The following AGMO variants were observed in gnomAD, a reference collection of about 807,000 sequenced individuals.
AGMO encodes the protein alkylglycerol monooxygenase, also known as glyceryl-ether monooxygenase.
AGMO carries 75 observed loss-of-function variants against 60.2 expected under a neutral mutation model. The observed-to-expected ratio is 1.25, with a 90% CI of 1.03 to 1.51. The LOEUF (loss-of-function observed/expected upper bound fraction) is 1.51, where lower values mean the gene tolerates loss of function less well. Ranked by LOEUF, AGMO falls within the 40% of genes most tolerant of loss-of-function variation. The pLI, the probability that AGMO is intolerant of heterozygous loss-of-function variation, is 0.00. For missense variants in AGMO, 763 were observed against 525.5 expected, an observed-to-expected ratio of 1.45 and a Z score of -4.42; for synonymous variants, 261 against 177.1, an observed-to-expected ratio of 1.47 and a Z score of -3.76.
intron 3 of AGMO, among the ~76,000 whole-genome samples, chr7:15,483,887 G>A (rs573334215): frequency 6.6e-6 from 1 of 152,056 alleles, no homozygotes; most frequent in Non-Finnish European, 1.5e-5. Context: ...AAAAATAAAA[G>A]TTAGAGAACC....
At chr7:15,272,696 A>C (rs1414390880) in intron 12 of AGMO, among the ~76,000 whole-genome samples, 1 of 152,158 alleles carries the variant, frequency 6.6e-6, no homozygotes, top group Non-Finnish European at 1.5e-5. Context: ...ATTCTTGAGG[A>C]ATCGCGACAC....
At chr7:15,156,144 G>C in the AGMO span, among the ~76,000 whole-genome samples, 1 of 152,192 alleles carries the variant, frequency 6.6e-6, no homozygotes, top group Non-Finnish European at 1.5e-5. Context: ...ATGTGTGCAT[G>C]CGCACCAGCA....
chr7:15,371,826 C>T (rs1783229781), intron 10 of AGMO, among the ~76,000 whole-genome samples: 1 of 152,112 alleles, frequency 6.6e-6, no homozygotes, highest in Non-Finnish European at 1.5e-5. Context: ...GCATGAGCCA[C>T]CACACCTCAT....
chr7:15,248,693 G>T (rs368592920), intron 12 of AGMO, among the ~76,000 whole-genome samples: 40 of 152,206 alleles, frequency 2.6e-4, no homozygotes, highest in East Asian at 2.1e-3. Context: ...GGCTATTTTT[G>T]GGCTAGAACA....
intron 3 of AGMO, among the ~76,000 whole-genome samples, chr7:15,544,414 A>C (rs1046336420): frequency 6.6e-6 from 1 of 152,196 alleles, no homozygotes; most frequent in Non-Finnish European, 1.5e-5. Context: ...CCCAACAGCC[A>C]AATGTTAGGA....
chr7:15,119,029 T>G, the AGMO span, among the ~76,000 whole-genome samples: 6 of 151,166 alleles, frequency 4.0e-5, no homozygotes, highest in African/African-American at 1.5e-4. Context: ...GAACTAGATA[T>G]GAGTGGAAAA....
At chr7:15,429,122 T>C (rs904698435) in intron 4 of AGMO, among the ~76,000 whole-genome samples, 2 of 152,102 alleles carry the variant, frequency 1.3e-5, no homozygotes, top group East Asian at 3.9e-4. Context: ...AGTTCCAGCA[T>C]AAGCTATAGG....
the AGMO span, among the ~76,000 whole-genome samples, chr7:15,123,297 A>T: frequency 2.6e-5 from 4 of 152,054 alleles, no homozygotes; most frequent in Non-Finnish European, 5.9e-5. Flanking sequence ...AGAACTTCCA[A>T]CATCCTAAGA....
intron 12 of AGMO, among the ~76,000 whole-genome samples, chr7:15,229,727 A>ATACAC (rs375461225): frequency 1.4e-5 from 2 of 146,368 alleles, no homozygotes; most frequent in East Asian, 3.9e-4. Flanking sequence ...ATTATATATA[A>ATACAC]ATTATATATT....
intron 10 of AGMO, among the ~76,000 whole-genome samples, chr7:15,368,773 G>C (rs1316884654): frequency 2.0e-5 from 3 of 152,070 alleles, no homozygotes; most frequent in Non-Finnish European, 2.9e-5. Context: ...GAAACTCACA[G>C]ATGAAATAAG....
intron 3 of AGMO, among the ~76,000 whole-genome samples, chr7:15,516,233 A>C (rs1023574639): frequency 7.2e-5 from 11 of 152,182 alleles, no homozygotes; most frequent in Non-Finnish European, 1.3e-4. Context: ...CATACTTAAA[A>C]AAGGAAGAGA....
At chr7:15,280,391 G>A (rs571897565) in intron 12 of AGMO, among the ~76,000 whole-genome samples, 8 of 152,244 alleles carry the variant, frequency 5.3e-5, no homozygotes, top group African/African-American at 1.9e-4. Context: ...CCTGGAACAT[G>A]ACCCCAGTGT....
chr7:15,366,684 G>C (rs554013980), intron 10 of AGMO, among the ~76,000 whole-genome samples: 1 of 151,988 alleles, frequency 6.6e-6, no homozygotes, highest in South Asian at 2.1e-4. Context: ...TATATATAAA[G>C]GAGATTACAC....
intron 2 of AGMO, among the ~76,000 whole-genome samples, chr7:15,547,476 G>A (rs545565142): frequency 1.3e-5 from 2 of 152,094 alleles, no homozygotes; most frequent in African/African-American, 2.4e-5. Context: ...TGCGCGAGCC[G>A]AAGCAGGGCA....
At chr7:15,214,020 A>T (rs2128494703) in intron 12 of AGMO, among the ~76,000 whole-genome samples, 1 of 152,178 alleles carries the variant, frequency 6.6e-6, no homozygotes. Flanking sequence ...TCCAGTAACA[A>T]AATTAAACCT....
At chr7:15,173,154 T>C in the AGMO span, among the ~76,000 whole-genome samples, 15 of 152,290 alleles carry the variant, frequency 9.8e-5, no homozygotes, top group South Asian at 2.7e-3. Context: ...AGTAAATCTA[T>C]TGAATATATT....
In AGMO at chr7:15,284,790, G is replaced by C. The variant is rs144169356; in HGVS notation, c.1263+80724C>G. Among the ~76,000 whole-genome samples, 940 of 151,926 alleles carry C rather than the reference G, an allele frequency of 6.2e-3. 3 individuals are homozygous for C. The highest frequency in any genetic ancestry group is 0.014 in the Middle Eastern group (4 of 294). ...AACAACAACAAAAAAGAAAACCACA[G>C]ACCAATATCCCTGATAAATACAGAT... On this transcript the variant is annotated intron_variant, in intron 12 of 12. Coordinates refer to ENST00000342526, the MANE Select transcript of AGMO (RefSeq NM_001004320.2).
chr7:15,140,124 T>C, the AGMO span, among the ~76,000 whole-genome samples: 15 of 151,698 alleles, frequency 9.9e-5, no homozygotes, highest in Non-Finnish European at 1.6e-4. Flanking sequence ...AAATATGCCA[T>C]AAAATGTAGA....
chr7:15,217,492 G>A (rs920725822), intron 12 of AGMO, among the ~76,000 whole-genome samples: 2 of 151,950 alleles, frequency 1.3e-5, no homozygotes, highest in African/African-American at 4.8e-5. Flanking sequence ...AAGCAGGAAA[G>A]ATATTATAAA....
Sources: allele counts gnomAD v4.1 joint callset (sites outside exome capture counted in the v4.1 genomes callset), GRCh38; gene constraint gnomAD v4.1.1; transcripts MANE v1.5; gene names NCBI Gene and HGNC (gene_info 2026-07-23, HGNC 2026-07-21).